The following FGD6 variants were observed in gnomAD, a reference collection of about 807,000 sequenced individuals.
The protein encoded by FGD6 is FYVE, RhoGEF and PH domain containing 6.
In FGD6, 90 loss-of-function variants were observed where a neutral mutation model predicts 149.4. That is an observed-to-expected ratio of 0.60 (90% confidence interval 0.51 to 0.72). The LOEUF (loss-of-function observed/expected upper bound fraction) is 0.72. Among genes scored for constraint, FGD6 ranks in the 30% least tolerant of loss-of-function variants. The probability of loss-of-function intolerance (pLI) is 0.00; values close to 1 mark genes in which losing one functional copy is unlikely to be tolerated. For missense variants in FGD6, 1,437 were observed against 1,684.8 expected (o/e 0.85, Z 2.57); for synonymous variants, 527 against 584.0 (o/e 0.90, Z 1.41).
At chr12:95,093,235 C>T (rs1343689724) in intron 15 of FGD6, among the ~76,000 whole-genome samples, 1 of 151,346 alleles carries the variant, frequency 6.6e-6, no homozygotes. Context: ...AACAAACAAA[C>T]AAAAAAGATG....
chr12:95,116,796 T>C, intron 8 of FGD6: 2 of 455,842 alleles, frequency 4.4e-6, no homozygotes, highest in Non-Finnish European at 8.8e-6. Flanking sequence ...ATTCATGTTT[T>C]TAGGGCATCT....
chr12:95,138,737 T>C (rs978464022), intron 6 of FGD6, among the ~76,000 whole-genome samples: 1 of 152,122 alleles, frequency 6.6e-6, no homozygotes, highest in African/African-American at 2.4e-5. Context: ...CCTGGAAATA[T>C]AGAACCCTGG....
rs564999336 is a variant in FGD6, at chr12:95,139,887, G to A, written c.2837+1501C>T. On this transcript the variant is annotated intron_variant, in intron 6 of 20. Coordinates refer to ENST00000343958, the MANE Select transcript of FGD6 (RefSeq NM_018351.4). ...CCTGACCTCAAGTGACCCACCCGCC[G>A]CAGCCTCCCAAAGTGCTGGGATTAC... 2.3e-4 allele frequency among the ~76,000 whole-genome samples: 35 copies of A among 152,018 alleles called. No homozygotes were observed. In the East Asian group the frequency reaches 4.6e-3, roughly 20 times the overall value.
intron 14 of FGD6, among the ~76,000 whole-genome samples, chr12:95,101,857 A>C (rs1489501697): frequency 1.3e-5 from 2 of 151,224 alleles, no homozygotes; most frequent in African/African-American, 4.9e-5. Context: ...TAATTTTTGT[A>C]TTTTTAGTAG....
chr12:95,171,758 A>AC (rs1280788215), intron 3 of FGD6, among the ~76,000 whole-genome samples: 9 of 151,382 alleles, frequency 5.9e-5, no homozygotes, highest in Non-Finnish European at 8.8e-5. Flanking sequence ...CTCATGATCC[A>AC]CCCCCCTCGG....
intron 2 of FGD6, among the ~76,000 whole-genome samples, chr12:95,207,902 G>A (rs369061584): frequency 2.0e-5 from 3 of 152,150 alleles, no homozygotes; most frequent in Non-Finnish European, 4.4e-5. Context: ...GGATGGGCAC[G>A]ATTTTAATAA....
In FGD6 at chr12:95,201,955, T is replaced by TACACACAC. The variant is rs71078621; in HGVS notation, c.2441+6880_2441+6887dup. 3.0e-3 allele frequency among the ~76,000 whole-genome samples: 442 copies of TACACACAC among 146,560 alleles called. 3 individuals are homozygous for TACACACAC. The highest frequency in any genetic ancestry group is 9.4e-3 in the Admixed American group (138 of 14,658). On this transcript the variant is annotated intron_variant, in intron 2 of 20. Coordinates refer to ENST00000343958, the MANE Select transcript of FGD6 (RefSeq NM_018351.4). ...AAATGTTTTACTAAGCAGGACAGAA[T>TACACACAC]ACACACACACACACACACACACACA...
intron 14 of FGD6, among the ~76,000 whole-genome samples, chr12:95,104,763 G>T (rs982486156): frequency 1.3e-5 from 2 of 151,864 alleles, no homozygotes; most frequent in African/African-American, 4.8e-5. Context: ...TATTTTTAAA[G>T]TTAGCCGGGT....
intron 20 of FGD6, among the ~76,000 whole-genome samples, chr12:95,083,995 T>G (rs1236312703): frequency 6.6e-6 from 1 of 152,214 alleles, no homozygotes; most frequent in East Asian, 1.9e-4. Context: ...CCATCTAAAC[T>G]GATAGCCATT....
chr12:95,162,384 G>T (rs79504509), intron 3 of FGD6, among the ~76,000 whole-genome samples: 1 of 152,036 alleles, frequency 6.6e-6, no homozygotes, highest in African/African-American at 2.4e-5. Context: ...CTAGCTGGGC[G>T]CCGACAGTGG....
intron 14 of FGD6, among the ~76,000 whole-genome samples, chr12:95,101,887 TGGC>T (rs1878449999): frequency 6.6e-6 from 1 of 151,830 alleles, no homozygotes; most frequent in East Asian, 2.0e-4. Context: ...TTCCCCACGT[TGGC>T]CAGGATGGTC....
At position 95,105,761 on chromosome 12, in the gene FGD6, C is replaced by T. The variant is rs548536935; in HGVS notation, c.3418-675G>A. The stretch of plus-strand genomic sequence containing the variant: ...TAAACAGGCAGGGCGCAGTGGCTCA[C>T]GCCTGTAATCTCAGCACTTTGGGAT... On this transcript the variant is annotated intron_variant, in intron 13 of 20. Coordinates refer to ENST00000343958, the MANE Select transcript of FGD6 (RefSeq NM_018351.4). 3.3e-5 allele frequency among the ~76,000 whole-genome samples: 5 copies of T among 152,312 alleles called. No individual in the cohort carries two copies. In the East Asian group the frequency reaches 7.7e-4, roughly 24 times the overall value.
At chr12:95,114,606 A>G (rs1024840580) in intron 8 of FGD6, among the ~76,000 whole-genome samples, 2 of 152,206 alleles carry the variant, frequency 1.3e-5, no homozygotes, top group Non-Finnish European at 2.9e-5. Context: ...GGATAAAGAT[A>G]GTCTGTAAAT....
intron 5 of FGD6, among the ~76,000 whole-genome samples, chr12:95,145,447 T>A (rs1376762012): frequency 6.6e-6 from 1 of 152,172 alleles, no homozygotes; most frequent in East Asian, 1.9e-4. Context: ...CCTCTACCAT[T>A]GCCCAGGTGA....
chr12:95,078,204 A>G lies in FGD6; in HGVS notation c.*3316T>C, dbSNP rs1405503896. 1 of 152,172 alleles carries G rather than the reference A, an allele frequency of 6.6e-6. No individual in the cohort carries two copies. The highest frequency in any genetic ancestry group is 2.4e-5 in the African/African-American group (1 of 41,440). The allele number at this position is 152,172 out of a possible 1,614,324, so 9.4% of individuals were successfully genotyped here. ...AACTAAAAAGACCTAGGGCAGTATT[A>G]TGGAAGACAGTGATATATTAAGTAC... On this transcript the variant is annotated 3_prime_UTR_variant, in exon 21 of 21. Transcript: ENST00000343958.
chr12:95,154,853 T>C (rs950278857), intron 3 of FGD6, among the ~76,000 whole-genome samples: 2 of 152,208 alleles, frequency 1.3e-5, no homozygotes, highest in Middle Eastern at 3.2e-3. Flanking sequence ...CTTTTTAACA[T>C]TGGAATCATG....
At chr12:95,177,948 C>T (rs1881181162) in intron 2 of FGD6, among the ~76,000 whole-genome samples, 1 of 72,836 alleles carries the variant, frequency 1.4e-5, no homozygotes, top group Non-Finnish European at 2.7e-5. Flanking sequence ...TTTATTGGTA[C>T]AGACAGGGTC....
chr12:95,149,656 C>CCA (rs1565909217), intron 5 of FGD6, among the ~76,000 whole-genome samples: 2 of 137,764 alleles, frequency 1.5e-5, no homozygotes, highest in African/African-American at 2.7e-5. Context: ...ACCCTTTTTT[C>CCA]AAAAAAAAAG....
At chr12:95,187,239 G>C (rs895440757) in intron 2 of FGD6, among the ~76,000 whole-genome samples, 1 of 151,790 alleles carries the variant, frequency 6.6e-6, no homozygotes, top group Admixed American at 6.6e-5. Flanking sequence ...GCTGAGGCAG[G>C]AGAATGGCAT....
Sources: gnomAD v4.1 joint callset for allele counts (sites outside exome capture counted in the v4.1 genomes callset) on GRCh38, gnomAD v4.1.1 for gene constraint, MANE v1.5 for transcripts, NCBI Gene and HGNC (gene_info 2026-07-23, HGNC 2026-07-21) for gene names.